CYB5R4: variants seen among roughly 807,000 people sequenced by gnomAD.
CYB5R4 encodes cytochrome b5 reductase 4, also known as N-terminal cytochrome b5 and cytochrome b5 oxidoreductase domain-containing protein.
Under a neutral mutation model 70.2 loss-of-function variants are expected in CYB5R4, and 55 were observed. The observed-to-expected ratio is 0.78, with a 90% confidence interval of 0.63 to 0.98. The LOEUF is 0.98. Ranked by LOEUF, CYB5R4 falls within the 50% of genes least tolerant of loss-of-function variation. CYB5R4 has a pLI of 0.00. For missense variants in CYB5R4, 562 were observed against 612.6 expected (o/e 0.92, Z 0.87); for synonymous variants, 197 against 199.5 (o/e 0.99, Z 0.11).
chr6:83,927,442 G>T (rs896034970), intron 10 of CYB5R4, among the ~76,000 whole-genome samples: 4 of 152,134 alleles, frequency 2.6e-5, no homozygotes, highest in Non-Finnish European at 5.9e-5. Flanking sequence ...CAAATTCCAG[G>T]TTGTGATCTA....
chr6:83,872,854 A>T (rs979151079), intron 2 of CYB5R4, among the ~76,000 whole-genome samples: 2 of 152,218 alleles, frequency 1.3e-5, no homozygotes, highest in African/African-American at 4.8e-5. Context: ...TGTGGGACCA[A>T]ACTGAAGCAT....
rs181299667 is a variant in CYB5R4 at position 83,866,573 on chromosome 6, A to G, written c.229+2245A>G. Among the ~76,000 whole-genome samples the G allele has an allele frequency of 3.3e-5, 5 of 151,708 alleles. No individual in the cohort carries two copies. The East Asian group carries it at 7.7e-4, about 23-fold the overall frequency. Reference sequence around the variant, plus strand: ...ATATCCTCTGTAATGATTTGAATGTATAGCACCTCGTCTGGTAAGGTGGTT... The same window carrying G: ...ATATCCTCTGTAATGATTTGAATGTGTAGCACCTCGTCTGGTAAGGTGGTT... On this transcript the variant is annotated intron_variant, in intron 2 of 15. Coordinates refer to ENST00000369681, the MANE Select transcript of CYB5R4 (RefSeq NM_016230.4).
chr6:83,922,279 CTTTAT>C (rs1216543182), intron 8 of CYB5R4, among the ~76,000 whole-genome samples, 154 bp from the exon 9 acceptor site: 1 of 152,134 alleles, frequency 6.6e-6, no homozygotes, highest in Non-Finnish European at 1.5e-5. Context: ...TGATTTGATT[CTTTAT>C]TTTGATTGTG....
chr6:83,869,983 T>C (rs1394412456), intron 2 of CYB5R4, among the ~76,000 whole-genome samples: 7 of 152,210 alleles, frequency 4.6e-5, no homozygotes, highest in Non-Finnish European at 1.0e-4. Flanking sequence ...AGAAAATATA[T>C]GTCAGATAGG....
intron 14 of CYB5R4, among the ~76,000 whole-genome samples, chr6:83,948,874 C>G (rs2099471086): frequency 6.6e-6 from 1 of 151,932 alleles, no homozygotes; most frequent in Non-Finnish European, 1.5e-5. Context: ...TAACAGCACT[C>G]ATCAGGTGAG....
chr6:83,914,688 C>G (rs535230974), intron 5 of CYB5R4, among the ~76,000 whole-genome samples: 1 of 152,176 alleles, frequency 6.6e-6, no homozygotes. Context: ...CAGGTGCACA[C>G]CACACACCTG....
intron 2 of CYB5R4, among the ~76,000 whole-genome samples, chr6:83,871,002 G>A (rs2099457528): frequency 8.4e-6 from 1 of 118,700 alleles, no homozygotes; most frequent in Admixed American, 9.7e-5. Flanking sequence ...TTGCGATGGA[G>A]TTTCACTCTT....
chr6:83,934,863 T>G, intron 11 of CYB5R4, 128 bp downstream of exon 11: 1 of 826,442 alleles, frequency 1.2e-6, no homozygotes, highest in South Asian at 2.1e-5. Context: ...GATTTAGTGA[T>G]AGTCAGAATG....
intron 3 of CYB5R4, among the ~76,000 whole-genome samples, chr6:83,907,328 C>T (rs138974395): frequency 2.1e-3 from 319 of 152,300 alleles, no homozygotes; most frequent in African/African-American, 7.1e-3. Flanking sequence ...CCACCAGTGG[C>T]ATCTGACAAC....
chr6:83,955,310 A>G lies in CYB5R4; in HGVS notation c.1359A>G (p.Glu453=), dbSNP rs759149446. The G allele has an allele frequency of 3.1e-6, 5 of 1,611,548 alleles. No individual in the cohort carries two copies. Among genetic ancestry groups the G allele is most frequent in the African/African-American group, 2.7e-5 (2 of 74,818 alleles). ...TTCTTTTCCCTAGACTGGATGTTGA[A>G]TTTGTTCTCTCAGCACCTATTTCTG... is the stretch of plus-strand genomic sequence containing the variant. ...LAFKDKRLDV[E]FVLSAPISEW... is the part of the protein sequence containing the mutation. The change falls in exon 15 of 16, where the codon GAA becomes GAG. Residue 453 remains glutamate (E), a synonymous_variant. Coordinates refer to ENST00000369681, the MANE Select transcript of CYB5R4 (RefSeq NM_016230.4).
intron 14 of CYB5R4, among the ~76,000 whole-genome samples, chr6:83,943,392 TAACA>T (rs1158907268): frequency 2.7e-5 from 4 of 150,786 alleles, no homozygotes; most frequent in Non-Finnish European, 5.9e-5. Flanking sequence ...TAAGGTAAAC[TAACA>T]AACAGAAAGC....
intron 14 of CYB5R4, among the ~76,000 whole-genome samples, chr6:83,954,915 GTT>G (rs567638162): frequency 6.9e-6 from 1 of 145,870 alleles, no homozygotes. Flanking sequence ...TTGTTTTTGG[GTT>G]TTTTTTTTTG....
chr6:83,899,259 G>T (rs527318675), intron 3 of CYB5R4, among the ~76,000 whole-genome samples: 3 of 152,222 alleles, frequency 2.0e-5, no homozygotes, highest in South Asian at 2.1e-4. Flanking sequence ...TTATATGCTG[G>T]ATTACGTTTA....
At position 83,939,992 on chromosome 6, in the gene CYB5R4, C is replaced by T. The variant is rs575837384; in HGVS notation, c.1109-64C>T. On this transcript the variant is annotated intron_variant, in intron 12 of 15. Transcript: ENST00000369681. ...TAGTTTTGGCTTCTTAGTTTCCCCGCTGGGTTTTTTGTTTTGTTTTTTGTT... is the reference window on the plus strand; with the variant it reads ...TAGTTTTGGCTTCTTAGTTTCCCCGTTGGGTTTTTTGTTTTGTTTTTTGTT... The T allele has an allele frequency of 1.1e-5, 14 of 1,260,488 alleles. No individual in the cohort carries two copies. The South Asian group carries it at 2.0e-4, about 18-fold the overall frequency. The allele number at this position is 1,260,488 out of a possible 1,614,324, so 78.1% of individuals were successfully genotyped here.
chr6:83,881,969 C>T (rs2099459513), intron 2 of CYB5R4, among the ~76,000 whole-genome samples: 1 of 152,046 alleles, frequency 6.6e-6, no homozygotes, highest in Non-Finnish European at 1.5e-5. Context: ...GTTTTATTGC[C>T]GAGTGCTCTA....
rs2099473216 is a variant in CYB5R4, at chr6:83,960,820, T to G, written c.*942T>G. 6.6e-6 allele frequency: 1 copy of G among 152,264 alleles called. No individual in the cohort carries two copies. Among genetic ancestry groups the G allele is most frequent in the African/African-American group, 2.4e-5 (1 of 41,464 alleles). 9.4% of individuals were successfully genotyped at this position (152,264 alleles called of 1,614,324 possible). A position where few individuals can be genotyped will look rare whatever the true frequency, so the allele number is the denominator to read the frequency against. On this transcript the variant is annotated 3_prime_UTR_variant, in exon 16 of 16. Transcript: ENST00000369681. ...GGAAGCCCTCTTAGGTTCTTGCATG[T>G]GGGCAACTTATTTTCTCTTCCTGCT... is the stretch of plus-strand genomic sequence containing the variant.
chr6:83,863,642 T>A (rs1427271261), intron 1 of CYB5R4, among the ~76,000 whole-genome samples: 2 of 152,144 alleles, frequency 1.3e-5, no homozygotes, highest in East Asian at 3.8e-4. Flanking sequence ...TGTTATATGG[T>A]CAGCCCTGTG....
At chr6:83,899,794 G>A (rs1353197120) in intron 3 of CYB5R4, among the ~76,000 whole-genome samples, 5 of 152,170 alleles carry the variant, frequency 3.3e-5, no homozygotes, top group Non-Finnish European at 7.4e-5. Flanking sequence ...TTGTATTTCT[G>A]TGGGATCAGT....
In CYB5R4 at chr6:83,966,766, T is replaced by C. The variant is rs935694785; in HGVS notation, c.*6888T>C. The C allele has an allele frequency of 6.6e-6, 1 of 152,042 alleles. No homozygotes were observed. The highest frequency in any genetic ancestry group is 2.4e-5 in the African/African-American group (1 of 41,412). 9.4% of individuals were successfully genotyped at this position (152,042 alleles called of 1,614,324 possible). On this transcript the variant is annotated 3_prime_UTR_variant, in exon 16 of 16. Transcript: ENST00000369681. ...AGATAGGCAAAGAATATCCAACATA[T>C]GAATAATAGTAGTCCTTGAAGACAA...
Sources: allele counts gnomAD v4.1 joint callset (sites outside exome capture counted in the v4.1 genomes callset), GRCh38; gene constraint gnomAD v4.1.1; transcripts MANE v1.5; gene names NCBI Gene and HGNC (gene_info 2026-07-23, HGNC 2026-07-21).